Variants in ROBO1 observed in about 807,000 individuals in gnomAD.
The protein encoded by ROBO1 is roundabout homolog 1.
A neutral mutation model predicts 195.9 loss-of-function variants in ROBO1; 149 were observed. The observed-to-expected ratio is 0.76, with a 90% confidence interval of 0.67 to 0.87. The LOEUF (loss-of-function observed/expected upper bound fraction) is 0.87, where lower values mean the gene tolerates loss of function less well. Among genes scored for constraint, ROBO1 ranks in the 40% least tolerant of loss-of-function variants. ROBO1 has a pLI of 0.00. For missense variants in ROBO1, 1,933 were observed against 2,068.3 expected (o/e 0.93, Z 1.27); for synonymous variants, 816 against 733.2 (o/e 1.11, Z -1.82).
At position 78,634,921 on chromosome 3, in the gene ROBO1, C is replaced by T. The variant is rs1340031551; in HGVS notation, c.3373+852G>A. On this transcript the variant is annotated intron_variant, in intron 23 of 30. Transcript: ENST00000464233. ...GCATTTTCAAAGAAAATGTTCCCAA[C>T]CCAAACCTAAAGAAAATGTCTATGT... Among the ~76,000 whole-genome samples the T allele has an allele frequency of 2.0e-5, 3 of 152,116 alleles. No homozygotes were observed. In the East Asian group the frequency reaches 5.8e-4, roughly 29 times the overall value.
intron 4 of ROBO1, among the ~76,000 whole-genome samples, chr3:78,896,928 C>A (rs75251555): frequency 5.7e-4 from 87 of 152,270 alleles, no homozygotes; most frequent in African/African-American, 2.0e-3. Flanking sequence ...TCTGCCTACA[C>A]AGAAATAATT....
At chr3:79,442,203 T>G (rs920639456) in intron 2 of ROBO1, among the ~76,000 whole-genome samples, 60 of 152,300 alleles carry the variant, frequency 3.9e-4, no homozygotes, top group East Asian at 2.7e-3. Context: ...ACAACTATTT[T>G]GGTCTCTCAT....
chr3:78,840,880 G>A (rs2033143027), intron 4 of ROBO1, among the ~76,000 whole-genome samples: 1 of 151,738 alleles, frequency 6.6e-6, no homozygotes, highest in Non-Finnish European at 1.5e-5. Flanking sequence ...CTAACATGGT[G>A]AAACCCCATC....
chr3:79,427,872 T>C (rs1218203862), intron 2 of ROBO1, among the ~76,000 whole-genome samples: 1 of 152,120 alleles, frequency 6.6e-6, no homozygotes. Flanking sequence ...CCCCAGGACA[T>C]TGGACTGGGC....
intron 1 of ROBO1, among the ~76,000 whole-genome samples, chr3:79,729,232 G>C (rs1432232014): frequency 6.6e-6 from 1 of 152,046 alleles, no homozygotes; most frequent in Non-Finnish European, 1.5e-5. Context: ...ACTTTGAACA[G>C]AGGGTCAGAT....
intron 4 of ROBO1, among the ~76,000 whole-genome samples, chr3:78,778,389 G>C (rs1447966866): frequency 1.3e-5 from 2 of 152,082 alleles, no homozygotes; most frequent in African/African-American, 4.8e-5. Context: ...CTATTGTTTG[G>C]AATAGTTTCA....
At chr3:79,207,411 C>T (rs1301772443) in intron 2 of ROBO1, among the ~76,000 whole-genome samples, 1 of 152,084 alleles carries the variant, frequency 6.6e-6, no homozygotes, top group African/African-American at 2.4e-5. Flanking sequence ...TTATGTTCCT[C>T]AATATTCTAC....
At chr3:79,039,044 C>T (rs574255362) in intron 3 of ROBO1, among the ~76,000 whole-genome samples, 4 of 152,268 alleles carry the variant, frequency 2.6e-5, no homozygotes, top group South Asian at 4.1e-4. Context: ...TGTGTGAAGA[C>T]CCTACCACAA....
At chr3:79,508,847 T>C (rs1467109738) in intron 2 of ROBO1, among the ~76,000 whole-genome samples, 1 of 152,196 alleles carries the variant, frequency 6.6e-6, no homozygotes, top group Non-Finnish European at 1.5e-5. Flanking sequence ...TAGACAAACA[T>C]TTATAATATG....
At position 78,631,241 on chromosome 3, in the gene ROBO1, C is replaced by T. The variant is rs1479121782; in HGVS notation, c.3546G>A (p.Trp1182Ter). The change falls in exon 25 of 31, where the codon TGG becomes TGA. Residue 1182 changes from tryptophan to a stop codon, truncating the protein, a stop_gained. Coordinates refer to ENST00000464233, the MANE Select transcript of ROBO1 (RefSeq NM_002941.4). LOFTEE classifies it high-confidence loss of function. ...CTGGGGGAGGAGGAAGCAGGTCTGC[C>T]CAGTTCATGCCACCCTGTTTTGGTA... ...PKVPKQGGMN[W>*]ADLLPPPPAH... 1.2e-6 allele frequency: 2 copies of T among 1,613,454 alleles called. No homozygotes were observed. The highest frequency in any genetic ancestry group is 1.7e-6 in the Non-Finnish European group (2 of 1,179,670).
intron 3 of ROBO1, among the ~76,000 whole-genome samples, chr3:79,013,330 G>C (rs1333567838): frequency 6.6e-6 from 1 of 152,200 alleles, no homozygotes; most frequent in African/African-American, 2.4e-5. Context: ...AGCAGACAAT[G>C]TTTTGAATCA....
intron 4 of ROBO1, among the ~76,000 whole-genome samples, chr3:78,800,660 G>A (rs1381807604): frequency 2.0e-5 from 3 of 152,010 alleles, no homozygotes; most frequent in South Asian, 2.1e-4. Flanking sequence ...GGGTTCAAGC[G>A]ATTCTCCTGC....
At chr3:79,145,360 TACACACACACATACACACACACAC>T (rs1466647017) in intron 2 of ROBO1, among the ~76,000 whole-genome samples, 2 of 22,106 alleles carry the variant, frequency 9.0e-5, no homozygotes, top group Non-Finnish European at 1.8e-4. Context: ...ATGCCAGAAA[TACACACACACATACACACACACAC>T]ACACACACAC....
At chr3:79,174,831 G>A (rs1190729440) in intron 2 of ROBO1, among the ~76,000 whole-genome samples, 1 of 150,458 alleles carries the variant, frequency 6.6e-6, no homozygotes, top group Admixed American at 6.6e-5. Context: ...ACTTCAGTCT[G>A]GGGGAGGGAG....
chr3:79,028,470 A>C (rs1395361164), intron 3 of ROBO1, among the ~76,000 whole-genome samples: 3 of 151,936 alleles, frequency 2.0e-5, no homozygotes, highest in African/African-American at 7.2e-5. Flanking sequence ...ACATGTAACT[A>C]GTCTCCAATT....
intron 2 of ROBO1, among the ~76,000 whole-genome samples, chr3:79,135,398 A>G (rs1353687754): frequency 1.3e-5 from 2 of 152,194 alleles, no homozygotes; most frequent in Non-Finnish European, 2.9e-5. Flanking sequence ...TCTATAATAC[A>G]GTATACAATA....
chr3:79,535,982 T>C (rs1176577450), intron 2 of ROBO1, among the ~76,000 whole-genome samples: 5 of 152,136 alleles, frequency 3.3e-5, no homozygotes, highest in Non-Finnish European at 4.4e-5. Flanking sequence ...TATCTGCCTT[T>C]CCCTGGATCT....
chr3:78,853,968 T>C (rs908823874), intron 4 of ROBO1, among the ~76,000 whole-genome samples: 14 of 152,064 alleles, frequency 9.2e-5, no homozygotes, highest in Non-Finnish European at 1.9e-4. Flanking sequence ...TCCCACCAGA[T>C]CCTTCCCACA....
chr3:79,329,600 T>C (rs1224447220), intron 2 of ROBO1, among the ~76,000 whole-genome samples: 1 of 152,218 alleles, frequency 6.6e-6, no homozygotes, highest in Non-Finnish European at 1.5e-5. Flanking sequence ...TGATAGTGCT[T>C]TGAAAATTGT....
Sources: gnomAD v4.1 joint callset for allele counts (sites outside exome capture counted in the v4.1 genomes callset) on GRCh38, gnomAD v4.1.1 for gene constraint, MANE v1.5 for transcripts, NCBI Gene and HGNC (gene_info 2026-07-23, HGNC 2026-07-21) for gene names.